The following DYM variants were observed in gnomAD, a reference collection of about 807,000 sequenced individuals.
DYM encodes the protein dymeclin, also known as dyggve-Melchior-Clausen syndrome protein.
Under a neutral mutation model 93.1 loss-of-function variants are expected in DYM, and 78 were observed. The observed-to-expected ratio is 0.84, with a 90% CI of 0.70 to 1.01. The LOEUF is 1.01. Ranked by LOEUF, DYM falls within the 50% of genes least tolerant of loss-of-function variation. DYM has a pLI of 0.00. For synonymous variants in DYM, 321 were observed against 319.7 expected, an observed-to-expected ratio of 1.00 and a Z score of -0.04; for missense variants, 789 against 845.0, an observed-to-expected ratio of 0.93 and a Z score of 0.82.
chr18:49,301,486 G>A (rs796531428), intron 8 of DYM, among the ~76,000 whole-genome samples: 10 of 146,072 alleles, frequency 6.8e-5, no homozygotes, highest in African/African-American at 2.3e-4. Context: ...GCACCACTGC[G>A]CTCCAGCCTG....
intron 1 of DYM, among the ~76,000 whole-genome samples, chr18:49,450,594 C>G (rs2082440764): frequency 6.6e-6 from 1 of 152,176 alleles, no homozygotes; most frequent in African/African-American, 2.4e-5. Context: ...CTGGATTGTT[C>G]AGAAGGCCCC....
intron 15 of DYM, among the ~76,000 whole-genome samples, chr18:49,119,157 T>C (rs1025569847): frequency 2.0e-5 from 3 of 152,212 alleles, no homozygotes; most frequent in Non-Finnish European, 4.4e-5. Context: ...AGGAATTTCA[T>C]ATAATAAATT....
intron 15 of DYM, among the ~76,000 whole-genome samples, chr18:49,131,915 C>A (rs528708663): frequency 2.0e-4 from 30 of 151,866 alleles, no homozygotes; most frequent in Non-Finnish European, 3.7e-4. Flanking sequence ...CAATTTCTGC[C>A]GTATAATTGG....
intron 8 of DYM, among the ~76,000 whole-genome samples, chr18:49,317,893 C>A (rs1170198736): frequency 6.6e-6 from 1 of 151,860 alleles, no homozygotes; most frequent in African/African-American, 2.4e-5. Context: ...ACTGAGGGTG[C>A]AGGTACAATA....
At chr18:49,440,914 AT>A (rs1202207746) in intron 1 of DYM, among the ~76,000 whole-genome samples, 3 of 28,666 alleles carry the variant, frequency 1.0e-4, no homozygotes, top group African/African-American at 4.8e-4. Flanking sequence ...AATATATTAT[AT>A]TTTATATAAT....
In DYM at chr18:49,440,519, TATATA is replaced by T. The variant is rs1172017218; in HGVS notation, c.-53-10077_-53-10073del. Among the ~76,000 whole-genome samples the T allele has an allele frequency of 1.5e-3, 67 of 44,006 alleles. 1 individual carries two copies. The highest frequency in any genetic ancestry group is 1.9e-3 in the Non-Finnish European group (50 of 27,000). 28.9% of individuals were successfully genotyped at this position (44,006 alleles called of 152,430 possible). Reference sequence around the variant, plus strand: ...AATATATGACTATATATTATATATTTATATAATATATGACTATATATTATATATTT... The same window carrying T: ...AATATATGACTATATATTATATATTTATATATGACTATATATTATATATTT... On this transcript the variant is annotated intron_variant, in intron 1 of 17. Transcript: ENST00000675505.
chr18:49,342,604 G>A (rs1458954160), intron 6 of DYM, among the ~76,000 whole-genome samples: 3 of 152,162 alleles, frequency 2.0e-5, no homozygotes, highest in African/African-American at 7.2e-5. Flanking sequence ...GCCAGATTAG[G>A]AGGGGAGGTG....
intron 7 of DYM, 89 bp from the exon 8 acceptor site, chr18:49,332,095 A>G (rs1281047018): frequency 7.5e-7 from 1 of 1,328,214 alleles, no homozygotes; most frequent in Non-Finnish European, 1.1e-6. Context: ...TGCCATTAAC[A>G]CTATCTGTTA....
intron 14 of DYM, among the ~76,000 whole-genome samples, chr18:49,198,357 C>T (rs2091676020): frequency 6.6e-6 from 1 of 151,876 alleles, no homozygotes; most frequent in African/African-American, 2.4e-5. Flanking sequence ...AAAACAATGG[C>T]AACAAAAGCC....
Position 49,228,729 on chromosome 18 carries a change from A to G in DYM, c.1461-19014T>C, listed in dbSNP as rs186337960. ...GAAGGCTACCTATCCTTTTTCAGGT[A>G]AAAGTTGTAACTGTTGGATATAGGA... On this transcript the variant is annotated intron_variant, in intron 13 of 17. Transcript: ENST00000675505. Among the ~76,000 whole-genome samples the G allele has an allele frequency of 1.9e-3, 295 of 152,294 alleles. 2 individuals carry two copies. Among genetic ancestry groups the G allele is most frequent in the African/African-American group, 6.7e-3 (280 of 41,564 alleles).
intron 2 of DYM, among the ~76,000 whole-genome samples, chr18:49,396,336 T>C (rs983107163): frequency 6.6e-6 from 1 of 152,178 alleles, no homozygotes; most frequent in Admixed American, 6.5e-5. Flanking sequence ...AATCCGACTG[T>C]TGGGTATAAA....
At chr18:49,139,297 C>A (rs979685893) in intron 15 of DYM, among the ~76,000 whole-genome samples, 1 of 152,058 alleles carries the variant, frequency 6.6e-6, no homozygotes, top group African/African-American at 2.4e-5. Context: ...ATACTTTGAA[C>A]CATTTTTTCT....
At chr18:49,438,679 C>T (rs2081066476) in intron 1 of DYM, among the ~76,000 whole-genome samples, 2 of 152,154 alleles carry the variant, frequency 1.3e-5, no homozygotes, top group African/African-American at 4.8e-5. Context: ...AGGGTGCTAC[C>T]TGCTAGGAAC....
chr18:49,367,515 C>A (rs182429750), intron 5 of DYM, among the ~76,000 whole-genome samples: 56 of 152,234 alleles, frequency 3.7e-4, no homozygotes, highest in African/African-American at 1.3e-3. Context: ...GAGAACAGTA[C>A]AATACTGTCC....
At chr18:49,393,155 AGG>A (rs2069596043) in intron 2 of DYM, among the ~76,000 whole-genome samples, 1 of 138,858 alleles carries the variant, frequency 7.2e-6, no homozygotes, top group African/African-American at 2.9e-5. Context: ...GAAGGAAGGA[AGG>A]AAGGAAGGAA....
Position 49,206,003 on chromosome 18 carries a change from G to GTTTTTTTTTTT in DYM, c.1625+3547_1625+3548insAAAAAAAAAAA, listed in dbSNP as rs72500406. 1.4e-3 allele frequency: 200 copies of GTTTTTTTTTTT among 142,738 alleles called. 5 individuals carry two copies. The highest frequency in any genetic ancestry group is 6.8e-3 in the East Asian group (42 of 6,188). The allele number at this position is 142,738 out of a possible 1,614,324, so 8.8% of individuals were successfully genotyped here. On this transcript the variant is annotated intron_variant, in intron 14 of 17. Coordinates refer to ENST00000675505, the MANE Select transcript of DYM (RefSeq NM_001353214.3). ...TTGACTAAGGTAGAGTTTTTTTTTT[G>GTTTTTTTTTTT]TTTTTTTGTTTTTTGCGGAGTCTTG...
intron 15 of DYM, among the ~76,000 whole-genome samples, chr18:49,156,804 C>T (rs2086508587): frequency 6.7e-6 from 1 of 150,336 alleles, no homozygotes; most frequent in Admixed American, 6.6e-5. Flanking sequence ...TAGAGCTAGT[C>T]ATATGCCCCC....
At chr18:49,435,936 T>C (rs992463797) in intron 1 of DYM, among the ~76,000 whole-genome samples, 1 of 152,256 alleles carries the variant, frequency 6.6e-6, no homozygotes, top group Non-Finnish European at 1.5e-5. Flanking sequence ...CATGATGAGA[T>C]ATTAGGATCT....
intron 2 of DYM, among the ~76,000 whole-genome samples, chr18:49,399,049 G>T (rs758051379): frequency 9.9e-5 from 15 of 152,200 alleles, no homozygotes; most frequent in Non-Finnish European, 1.8e-4. Flanking sequence ...TGCTAAATTT[G>T]TTCATCAGCA....
Sources: allele counts gnomAD v4.1 joint callset (sites outside exome capture counted in the v4.1 genomes callset), GRCh38; gene constraint gnomAD v4.1.1; transcripts MANE v1.5; gene names NCBI Gene and HGNC (gene_info 2026-07-23, HGNC 2026-07-21).